KCNG2: variants seen among roughly 807,000 people sequenced by gnomAD.
The protein encoded by KCNG2 is potassium voltage-gated channel modifier subfamily G member 2, also known as voltage-gated potassium channel regulatory subunit KCNG2.
KCNG2 carries 7 observed loss-of-function variants against 12.3 expected under a neutral mutation model. That is an observed-to-expected ratio of 0.57 (90% confidence interval 0.32 to 1.07). The LOEUF is 1.07. Ranked by LOEUF, KCNG2 falls within the 50% of genes least tolerant of loss-of-function variation. The pLI is 0.04. For missense variants in KCNG2, 703 were observed against 726.0 expected (o/e 0.97, Z 0.36); for synonymous variants, 414 against 351.4 (o/e 1.18, Z -1.99).
At chr18:79,869,242 C>T (rs750203719) in intron 3 of KCNG2, among the ~76,000 whole-genome samples, 4 of 150,360 alleles carry the variant, frequency 2.7e-5, no homozygotes, top group Admixed American at 6.7e-5. Context: ...CCCTGGGCTG[C>T]GACCTGCACA....
chr18:79,826,789 A>G (rs1004377260), intron 1 of KCNG2, among the ~76,000 whole-genome samples: 3 of 150,250 alleles, frequency 2.0e-5, no homozygotes, highest in Admixed American at 6.6e-5. Flanking sequence ...TTACGTCATT[A>G]CGTTCAGTGA....
Position 79,825,949 on chromosome 18 carries a change from G to C in KCNG2, c.-115+27935G>C, listed in dbSNP as rs553526602. Among the ~76,000 whole-genome samples, 2 of 152,330 alleles carry C rather than the reference G, an allele frequency of 1.3e-5. 1 individual carries two copies. The highest frequency in any genetic ancestry group is 4.1e-4 in the South Asian group (2 of 4,832). ...GAGCGCGGACACCTGTCGCCCTCTC[G>C]GCCGCTCTGGGACCTGCCCTTTCTT... On this transcript the variant is annotated intron_variant, in intron 1 of 3. Coordinates refer to ENST00000316249, the MANE Select transcript of KCNG2 (RefSeq NM_012283.2).
At chr18:79,862,248 C>T (rs1979248350) in intron 2 of KCNG2, among the ~76,000 whole-genome samples, 1 of 152,166 alleles carries the variant, frequency 6.6e-6, no homozygotes, top group African/African-American at 2.4e-5. Flanking sequence ...CAGACTCTCC[C>T]CTCTCCCCAG....
At chr18:79,891,810 TC>T (rs939220064) in intron 3 of KCNG2, among the ~76,000 whole-genome samples, 5 of 152,240 alleles carry the variant, frequency 3.3e-5, no homozygotes, top group African/African-American at 4.8e-5. Context: ...TGGAGTCTGT[TC>T]CGTGTGCACA....
At chr18:79,871,024 C>G (rs1255917511) in intron 3 of KCNG2, among the ~76,000 whole-genome samples, 1 of 152,092 alleles carries the variant, frequency 6.6e-6, no homozygotes, top group Non-Finnish European at 1.5e-5. Context: ...GGTCTGAGTT[C>G]CAATCCAAAG....
chr18:79,852,011 CA>C (rs1356861131), intron 1 of KCNG2, among the ~76,000 whole-genome samples: 1 of 152,222 alleles, frequency 6.6e-6, no homozygotes, highest in Non-Finnish European at 1.5e-5. Flanking sequence ...GTCGGTTTTT[CA>C]GGGCTGTTTG....
intron 2 of KCNG2, among the ~76,000 whole-genome samples, chr18:79,863,346 C>G (rs1422453682): frequency 6.6e-6 from 1 of 152,256 alleles, no homozygotes; most frequent in African/African-American, 2.4e-5. Flanking sequence ...AAGCTCCGTT[C>G]GACCCCGTGT....
At chr18:79,892,064 G>A (rs557951673) in intron 3 of KCNG2, among the ~76,000 whole-genome samples, 2 of 148,908 alleles carry the variant, frequency 1.3e-5, no homozygotes, top group African/African-American at 4.9e-5. Context: ...GCAGTGAGTC[G>A]AGATCGCAAC....
At chr18:79,840,603 T>G (rs1371954191) in intron 1 of KCNG2, among the ~76,000 whole-genome samples, 1 of 152,164 alleles carries the variant, frequency 6.6e-6, no homozygotes, top group Non-Finnish European at 1.5e-5. Flanking sequence ...CTAAAATTTA[T>G]ATAGAAAGTC....
At chr18:79,895,474 T>G (rs1332313773) in intron 3 of KCNG2, among the ~76,000 whole-genome samples, 1 of 152,176 alleles carries the variant, frequency 6.6e-6, no homozygotes, top group African/African-American at 2.4e-5. Context: ...TGCCTTTGAT[T>G]GGGTTGTTCA....
chr18:79,892,456 A>G (rs1980777287), intron 3 of KCNG2, among the ~76,000 whole-genome samples: 1 of 152,248 alleles, frequency 6.6e-6, no homozygotes, highest in Admixed American at 6.5e-5. Context: ...TGTAGACAAC[A>G]TATAGTTCAA....
intron 1 of KCNG2, among the ~76,000 whole-genome samples, chr18:79,846,130 T>C (rs545374516): frequency 1.3e-5 from 2 of 151,318 alleles, no homozygotes; most frequent in East Asian, 3.9e-4. Flanking sequence ...CCCAGCACTT[T>C]GGGAGGCCGA....
chr18:79,836,319 A>T (rs1978324664), intron 1 of KCNG2, among the ~76,000 whole-genome samples: 1 of 152,230 alleles, frequency 6.6e-6, no homozygotes, highest in African/African-American at 2.4e-5. Flanking sequence ...ATCTAAGAGG[A>T]CATAGCAATT....
At chr18:79,813,109 C>G (rs986137875) in intron 1 of KCNG2, among the ~76,000 whole-genome samples, 1 of 152,174 alleles carries the variant, frequency 6.6e-6, no homozygotes, top group African/African-American at 2.4e-5. Context: ...GAGCCGAGAT[C>G]GCGCCATTGG....
chr18:79,828,125 A>G (rs556958798), intron 1 of KCNG2, among the ~76,000 whole-genome samples: 250 of 152,248 alleles, frequency 1.6e-3, no homozygotes, highest in African/African-American at 5.5e-3. Flanking sequence ...GTGTTTCACC[A>G]TGTTGGCCAG....
chr18:79,798,500 G>A (rs1346658184), intron 1 of KCNG2, among the ~76,000 whole-genome samples: 1 of 152,214 alleles, frequency 6.6e-6, no homozygotes, highest in Non-Finnish European at 1.5e-5. Context: ...AGCGGGCGGG[G>A]TGTGGGCGAA....
chr18:79,872,934 C>T (rs1979907369), intron 3 of KCNG2, among the ~76,000 whole-genome samples: 1 of 152,136 alleles, frequency 6.6e-6, no homozygotes, highest in Non-Finnish European at 1.5e-5. Flanking sequence ...TGGGGAGGGT[C>T]TGTGGGGTGG....
chr18:79,815,161 A>C (rs969230924), intron 1 of KCNG2, among the ~76,000 whole-genome samples: 1 of 152,192 alleles, frequency 6.6e-6, no homozygotes, highest in Non-Finnish European at 1.5e-5. Context: ...GCTTATATCC[A>C]GGCACAGTGG....
At chr18:79,828,106 G>T (rs997711588) in intron 1 of KCNG2, among the ~76,000 whole-genome samples, 32 of 152,024 alleles carry the variant, frequency 2.1e-4, no homozygotes, top group African/African-American at 7.7e-4. Context: ...TGTATCTTTT[G>T]TAGAGATGGT....
Sources: gnomAD v4.1 joint callset for allele counts (sites outside exome capture counted in the v4.1 genomes callset) on GRCh38, gnomAD v4.1.1 for gene constraint, MANE v1.5 for transcripts, NCBI Gene and HGNC (gene_info 2026-07-23, HGNC 2026-07-21) for gene names.